CSMD1: variants seen among roughly 807,000 people sequenced by gnomAD.
CSMD1 encodes the protein CUB and sushi domain-containing protein 1.
A neutral mutation model predicts 417.5 loss-of-function variants in CSMD1; 213 were observed. The observed-to-expected ratio is 0.51, with a 90% CI of 0.46 to 0.57. CSMD1 has a LOEUF of 0.57. Ranked by LOEUF, CSMD1 falls within the 20% of genes least tolerant of loss-of-function variation. The pLI, the probability that CSMD1 is intolerant of heterozygous loss-of-function variation, is 0.00. For missense variants in CSMD1, 6,923 were observed against 4,529.7 expected (o/e 1.53, Z -15.17); for synonymous variants, 2,862 against 1,736.8 (o/e 1.65, Z -16.11).
chr8:4,605,127 T>C (rs1392820471), intron 2 of CSMD1, among the ~76,000 whole-genome samples: 2 of 152,194 alleles, frequency 1.3e-5, no homozygotes, highest in African/African-American at 4.8e-5. Context: ...ATCACTGAAA[T>C]TAGTATTATG....
intron 1 of CSMD1, among the ~76,000 whole-genome samples, chr8:4,664,661 CTTA>C (rs1363148666): frequency 1.3e-5 from 2 of 152,062 alleles, no homozygotes; most frequent in Non-Finnish European, 2.9e-5. Context: ...TTCACATGTG[CTTA>C]TTATTATAAC....
intron 10 of CSMD1, among the ~76,000 whole-genome samples, chr8:3,559,053 T>A (rs543633383): frequency 1.3e-5 from 2 of 152,308 alleles, no homozygotes; most frequent in African/African-American, 4.8e-5. Flanking sequence ...TAAAGGACCA[T>A]GGAGAAGTGT....
At chr8:3,878,103 C>T (rs1410334428) in intron 5 of CSMD1, among the ~76,000 whole-genome samples, 2 of 152,100 alleles carry the variant, frequency 1.3e-5, no homozygotes, top group African/African-American at 4.8e-5. Context: ...TTCTGCCTGT[C>T]TTCCTTCCTC....
chr8:3,198,965 A>C (rs561789214), intron 33 of CSMD1, among the ~76,000 whole-genome samples: 1 of 152,198 alleles, frequency 6.6e-6, no homozygotes, highest in Non-Finnish European at 1.5e-5. Context: ...TCTCTGAACA[A>C]GATCATTTCT....
chr8:4,179,466 A>C (rs997167934), intron 3 of CSMD1, among the ~76,000 whole-genome samples: 2 of 151,754 alleles, frequency 1.3e-5, no homozygotes, highest in African/African-American at 4.9e-5. Context: ...ACCTAAAACC[A>C]TAAAAACCCT....
chr8:4,639,704 A>G (rs1174580838), intron 1 of CSMD1, among the ~76,000 whole-genome samples: 3 of 152,186 alleles, frequency 2.0e-5, no homozygotes, highest in Non-Finnish European at 4.4e-5. Context: ...ATAGAAAATT[A>G]TTTTCAACTA....
intron 2 of CSMD1, among the ~76,000 whole-genome samples, chr8:4,595,387 C>CTTTTTTTTTTTTTTTTCTTTTTTTTTT: frequency 2.6e-4 from 38 of 147,380 alleles, no homozygotes; most frequent in South Asian, 1.3e-3. Context: ...CATTCATTTT[C>CTTTTTTTTTTTTTTTTCTTTTTTTTTT]ATTCCATCCA....
intron 5 of CSMD1, among the ~76,000 whole-genome samples, chr8:3,980,468 T>C (rs1813769634): frequency 6.6e-6 from 1 of 152,318 alleles, no homozygotes; most frequent in South Asian, 2.1e-4. Flanking sequence ...AGATTTTTTT[T>C]TGCCAAACTT....
intron 7 of CSMD1, among the ~76,000 whole-genome samples, chr8:3,687,212 C>A (rs1415518472): frequency 1.3e-5 from 2 of 152,216 alleles, no homozygotes; most frequent in Non-Finnish European, 1.5e-5. Context: ...TCTTGGTTTG[C>A]CCAGGGCAGG....
In CSMD1 at chr8:4,031,630, A is replaced by T. The variant is rs75652219; in HGVS notation, c.610+275T>A. ...ATTGACTTTATGTGGTCCAAGCATGACTTTTCTCGTATAACATGTAATATT... is the reference window on the plus strand; with the variant it reads ...ATTGACTTTATGTGGTCCAAGCATGTCTTTTCTCGTATAACATGTAATATT... On this transcript the variant is annotated intron_variant, in intron 4 of 69. Transcript: ENST00000635120. Among the ~76,000 whole-genome samples, 61 of 147,170 alleles carry T rather than the reference A, an allele frequency of 4.1e-4. 1 individual carries two copies. The East Asian group carries it at 9.9e-3, about 24-fold the overall frequency.
At chr8:3,128,651 C>G (rs1423165665) in intron 41 of CSMD1, 1 of 313,294 alleles carries the variant, frequency 3.2e-6, no homozygotes, top group Non-Finnish European at 6.3e-6. Flanking sequence ...GACAAACTAT[C>G]TAATTAAGTG....
intron 5 of CSMD1, among the ~76,000 whole-genome samples, chr8:3,966,876 G>A (rs1399633613): frequency 1.3e-5 from 2 of 152,126 alleles, no homozygotes; most frequent in Non-Finnish European, 2.9e-5. Flanking sequence ...ACAACACACT[G>A]GATGTATCAG....
At chr8:3,776,485 A>T (rs1798890993) in intron 5 of CSMD1, among the ~76,000 whole-genome samples, 1 of 152,126 alleles carries the variant, frequency 6.6e-6, no homozygotes, top group African/African-American at 2.4e-5. Context: ...GGCCACACAC[A>T]CATTTCCTGC....
chr8:4,252,027 G>C (rs1013188042), intron 3 of CSMD1, among the ~76,000 whole-genome samples: 1 of 152,084 alleles, frequency 6.6e-6, no homozygotes, highest in Non-Finnish European at 1.5e-5. Flanking sequence ...TTTGAGTTGT[G>C]TTTACTTGAA....
Position 4,040,143 on chromosome 8 carries a change from G to C in CSMD1, c.416-8044C>G, listed in dbSNP as rs780011978. Among the ~76,000 whole-genome samples, 6 of 152,306 alleles carry C rather than the reference G, an allele frequency of 3.9e-5. No individual in the cohort carries two copies. In the East Asian group the frequency reaches 5.8e-4, roughly 15 times the overall value. On this transcript the variant is annotated intron_variant, in intron 3 of 69. Transcript: ENST00000635120. ...AACAATATTTTTAAAGGGTATGAGA[G>C]TCAAGGCTATTAATGAAATGCTAGC...
intron 1 of CSMD1, among the ~76,000 whole-genome samples, chr8:4,933,347 T>A (rs1563802804): frequency 1.3e-5 from 2 of 152,132 alleles, no homozygotes; most frequent in African/African-American, 4.8e-5. Flanking sequence ...AAATATAGTA[T>A]CCCCCATTTT....
chr8:3,562,672 A>C (rs1052898841), intron 10 of CSMD1, among the ~76,000 whole-genome samples: 39 of 152,316 alleles, frequency 2.6e-4, no homozygotes, highest in African/African-American at 8.9e-4. Context: ...CTGGGAATTT[A>C]AAGACACTAT....
chr8:3,733,985 T>A (rs1006308487), intron 6 of CSMD1, among the ~76,000 whole-genome samples: 1 of 152,102 alleles, frequency 6.6e-6, no homozygotes, highest in African/African-American at 2.4e-5. Context: ...AAGGGGGGGA[T>A]GTCTGTACGT....
rs1363555088 is a variant in CSMD1, at chr8:4,627,052, A to G, written c.302+10290T>C. Among the ~76,000 whole-genome samples, 6 of 152,202 alleles carry G rather than the reference A, an allele frequency of 3.9e-5. 1 individual carries two copies. The highest frequency in any genetic ancestry group is 9.7e-5 in the African/African-American group (4 of 41,446). On this transcript the variant is annotated intron_variant, in intron 2 of 69. Transcript: ENST00000635120. The stretch of plus-strand genomic sequence containing the variant: ...ATTCCTTTTTTAAATTTTGGGAATT[A>G]AAAGTGAATAACTCACATATTTTGT...
Sources: gnomAD v4.1 joint callset for allele counts (sites outside exome capture counted in the v4.1 genomes callset) on GRCh38, gnomAD v4.1.1 for gene constraint, MANE v1.5 for transcripts, NCBI Gene and HGNC (gene_info 2026-07-23, HGNC 2026-07-21) for gene names.